CCDC33: variants seen among roughly 807,000 people sequenced by gnomAD.
The protein encoded by CCDC33 is coiled-coil domain-containing protein 33.
In CCDC33, 94 loss-of-function variants were observed where a neutral mutation model predicts 91.9. The observed-to-expected ratio is 1.02, with a 90% CI of 0.87 to 1.21. The LOEUF (loss-of-function observed/expected upper bound fraction) is 1.21. Among genes scored for constraint, CCDC33 ranks in the 50% most tolerant of loss-of-function variants. The pLI is 0.00. For missense variants in CCDC33, 940 were observed against 935.5 expected, an observed-to-expected ratio of 1.00 and a Z score of -0.06; for synonymous variants, 396 against 374.5, an observed-to-expected ratio of 1.06 and a Z score of -0.66.
chr15:74,335,001 A>C lies in CCDC33; in HGVS notation c.2052A>C (p.Gly684=), dbSNP rs965024016. The part of the protein sequence containing the change: ...SQLEDSARRW[G]REKQDLATRL... ...TAGAGGACTCAGCTCGACGCTGGGG[A>C]CGAGAGAAGCAGGATCTGGCCACAC... Residue 684 remains glycine, a synonymous_variant, in exon 18 of 19, where the codon GGA becomes GGC. Coordinates refer to ENST00000398814, the MANE Select transcript of CCDC33 (RefSeq NM_025055.5). 16 of 1,614,028 alleles carry C rather than the reference A, an allele frequency of 9.9e-6. No individual in the cohort carries two copies. Among genetic ancestry groups the C allele is most frequent in the Non-Finnish European group, 1.4e-5 (16 of 1,179,962 alleles).
chr15:74,318,687 G>T, intron 11 of CCDC33: 1 of 752,624 alleles, frequency 1.3e-6, no homozygotes, highest in East Asian at 2.6e-5. Context: ...CACTGGTTCT[G>T]GGAAGATGGG....
chr15:74,295,254 T>G (rs1433732387), intron 10 of CCDC33, among the ~76,000 whole-genome samples: 2 of 152,194 alleles, frequency 1.3e-5, no homozygotes, highest in African/African-American at 4.8e-5. Flanking sequence ...GACATGGGAC[T>G]CACATCCTAG....
chr15:74,240,130 C>T (rs1052690530), intron 1 of CCDC33, among the ~76,000 whole-genome samples: 1 of 152,276 alleles, frequency 6.6e-6, no homozygotes, highest in African/African-American at 2.4e-5. Flanking sequence ...CTGCAAGCCT[C>T]ACCAGGAGGC....
At chr15:74,208,072 C>G (rs2074303364) in intron 1 of CCDC33, 2 of 1,249,582 alleles carry the variant, frequency 1.6e-6, no homozygotes, top group African/African-American at 3.0e-5. Context: ...TTAGACCAGG[C>G]TGTTCTGGTA....
chr15:74,297,922 A>G (rs138458031), intron 11 of CCDC33, among the ~76,000 whole-genome samples: 71 of 152,186 alleles, frequency 4.7e-4, no homozygotes, highest in African/African-American at 1.6e-3. Context: ...AAGGATGCAG[A>G]CCTCAGCCCC....
At chr15:74,294,746 C>CAA (rs57792647) in intron 10 of CCDC33, among the ~76,000 whole-genome samples, 160 of 127,212 alleles carry the variant, frequency 1.3e-3, no homozygotes, top group East Asian at 2.8e-3. Flanking sequence ...GACTCTGTCT[C>CAA]AAAAAAAAAA....
intron 17 of CCDC33, among the ~76,000 whole-genome samples, chr15:74,334,258 C>T (rs952073413): frequency 7.3e-5 from 11 of 151,268 alleles, no homozygotes; most frequent in Non-Finnish European, 4.4e-5. Context: ...CAGTGTACAA[C>T]CAGGGTTAGG....
chr15:74,324,164 G>A (rs927951903), intron 11 of CCDC33, among the ~76,000 whole-genome samples: 3 of 150,194 alleles, frequency 2.0e-5, no homozygotes, highest in African/African-American at 7.4e-5. Context: ...GTCGCTACCT[G>A]AGCATGCCTC....
At chr15:74,249,900 C>G (rs1295204321) in intron 2 of CCDC33, among the ~76,000 whole-genome samples, 1 of 152,208 alleles carries the variant, frequency 6.6e-6, no homozygotes, top group Non-Finnish European at 1.5e-5. Flanking sequence ...CTTTCTCCCC[C>G]TCCAAGTTAC....
intron 2 of CCDC33, among the ~76,000 whole-genome samples, chr15:74,253,699 C>T (rs1417078184): frequency 1.3e-5 from 2 of 152,232 alleles, no homozygotes; most frequent in African/African-American, 4.8e-5. Context: ...CAGGGCCAAT[C>T]TACTTATGCA....
intron 11 of CCDC33, among the ~76,000 whole-genome samples, chr15:74,317,508 A>AG (rs1299130294): frequency 6.6e-6 from 1 of 152,230 alleles, no homozygotes; most frequent in Non-Finnish European, 1.5e-5. Context: ...ACCCAGCAGC[A>AG]GGGGTGGAGA....
chr15:74,330,156 A>C (rs1317640118), intron 11 of CCDC33, 33 bp from the exon 12 acceptor site: 1 of 1,555,658 alleles, frequency 6.4e-7, no homozygotes, highest in Non-Finnish European at 8.7e-7. Flanking sequence ...GCTATGGGGC[A>C]GTGGGCTCAG....
intron 1 of CCDC33, among the ~76,000 whole-genome samples, chr15:74,217,997 C>A (rs536818734): frequency 6.6e-6 from 1 of 152,086 alleles, no homozygotes; most frequent in African/African-American, 2.4e-5. Context: ...ATGAGGGGAC[C>A]TGGGCCCTGC....
Position 74,244,196 on chromosome 15 carries a change from G to C in CCDC33, c.185+48G>C, listed in dbSNP as rs374831960. On this transcript the variant is annotated intron_variant, in intron 2 of 18. Coordinates refer to ENST00000398814, the MANE Select transcript of CCDC33 (RefSeq NM_025055.5). The surrounding 1 kb of genome is among the most constrained non-coding windows in gnomAD (Gnocchi z 4.2). ...GGGCAGGGGATGGGTTGGGCTGTGA[G>C]CAGAAACCAGGGGACAGCTATTTGG... is the stretch of plus-strand genomic sequence containing the variant. The C allele has an allele frequency of 3.7e-3, 5,769 of 1,573,144 alleles. 24 individuals carry two copies. Among genetic ancestry groups the C allele is most frequent in the Non-Finnish European group, 4.6e-3 (5,320 of 1,156,496 alleles).
rs2075162819 is a variant in CCDC33 at position 74,236,525 on chromosome 15, C to A, written c.-195C>A. 9 of 429,948 alleles carry A rather than the reference C, an allele frequency of 2.1e-5. No individual in the cohort carries two copies. In the South Asian group the frequency reaches 3.1e-4, roughly 15 times the overall value. 26.6% of individuals were successfully genotyped at this position (429,948 alleles called of 1,614,324 possible). On this transcript the variant is annotated 5_prime_UTR_variant, in exon 1 of 19. Coordinates refer to ENST00000398814, the MANE Select transcript of CCDC33 (RefSeq NM_025055.5). ...TCCCACCTGGCCACCCTCCCCCTCC[C>A]CCCACATCCAGGCCCCAGGGCTGGT...
intron 10 of CCDC33, among the ~76,000 whole-genome samples, chr15:74,282,390 C>T (rs2059386502): frequency 6.6e-6 from 1 of 152,186 alleles, no homozygotes; most frequent in Admixed American, 6.5e-5. Context: ...CGGGGCAGCT[C>T]TCAGCTCCTG....
intron 15 of CCDC33, 43 bp from the exon 16 acceptor site, chr15:74,332,636 G>A (rs768974136): frequency 1.4e-5 from 23 of 1,601,428 alleles, no homozygotes; most frequent in Non-Finnish European, 1.5e-5. Context: ...GACATGGGAA[G>A]CAGGAGAGCC....
chr15:74,221,393 C>A, intron 2 of CCDC33: 1 of 837,750 alleles, frequency 1.2e-6, no homozygotes, highest in Non-Finnish European at 1.4e-6. Context: ...AGCAAACTTC[C>A]ACGACTGGCT....
intron 2 of CCDC33, among the ~76,000 whole-genome samples, chr15:74,223,286 A>G (rs1349161186): frequency 6.6e-6 from 1 of 152,064 alleles, no homozygotes; most frequent in African/African-American, 2.4e-5. Context: ...TCTAGAAAGC[A>G]ATGCTTGGGC....
Sources: gnomAD v4.1 joint callset for allele counts (sites outside exome capture counted in the v4.1 genomes callset) on GRCh38, gnomAD v4.1.1 for gene constraint, Gnocchi (gnomAD v3.1) non-coding constraint, MANE v1.5 for transcripts, NCBI Gene and HGNC (gene_info 2026-07-23, HGNC 2026-07-21) for gene names.